The following NKAIN2 variants were observed in gnomAD, a reference collection of about 807,000 sequenced individuals.
NKAIN2 encodes sodium/potassium-transporting ATPase subunit beta-1-interacting protein 2.
NKAIN2 carries 14 observed loss-of-function variants against 32.6 expected under a neutral mutation model. The observed-to-expected ratio is 0.43, with a 90% confidence interval of 0.28 to 0.67. The LOEUF (loss-of-function observed/expected upper bound fraction) is 0.67, where lower values mean the gene tolerates loss of function less well. Ranked by LOEUF, NKAIN2 falls within the 30% of genes least tolerant of loss-of-function variation. The pLI is 0.17. For synonymous variants in NKAIN2, 80 were observed against 87.2 expected (o/e 0.92, Z 0.46); for missense variants, 198 against 258.3 (o/e 0.77, Z 1.60).
chr6:124,502,456 T>C (rs1327952956), intron 3 of NKAIN2, among the ~76,000 whole-genome samples: 1 of 152,218 alleles, frequency 6.6e-6, no homozygotes, highest in Non-Finnish European at 1.5e-5. Context: ...CTTCCACACA[T>C]ACTTTGTGTA....
chr6:124,707,965 A>C (rs1729087532), intron 4 of NKAIN2, among the ~76,000 whole-genome samples: 1 of 150,150 alleles, frequency 6.7e-6, no homozygotes, highest in Non-Finnish European at 1.5e-5. Flanking sequence ...TAGGGTTTTT[A>C]TGGTTTTAGG....
intron 5 of NKAIN2, among the ~76,000 whole-genome samples, chr6:124,796,146 C>G (rs1384970905): frequency 6.6e-6 from 1 of 152,064 alleles, no homozygotes; most frequent in African/African-American, 2.4e-5. Flanking sequence ...CACTCCTTCC[C>G]CCATGAATTA....
At chr6:124,712,535 A>G (rs1775544259) in intron 4 of NKAIN2, among the ~76,000 whole-genome samples, 2 of 115,706 alleles carry the variant, frequency 1.7e-5, no homozygotes, top group Admixed American at 1.6e-4. Context: ...CCGTTTTTTA[A>G]GCCCGTCGGA....
At chr6:124,635,055 GAGAGAA>G (rs1783720963) in intron 3 of NKAIN2, among the ~76,000 whole-genome samples, 1 of 146,524 alleles carries the variant, frequency 6.8e-6, no homozygotes, top group African/African-American at 2.7e-5. Flanking sequence ...AGGAAGGAAA[GAGAGAA>G]AGAAAGAGAA....
intron 3 of NKAIN2, among the ~76,000 whole-genome samples, chr6:124,494,114 C>T (rs979338929): frequency 3.9e-5 from 6 of 151,962 alleles, no homozygotes; most frequent in Non-Finnish European, 7.4e-5. Flanking sequence ...ATATCTGTTC[C>T]GCTACCTCTA....
chr6:124,508,518 T>A (rs1460776788), intron 3 of NKAIN2, among the ~76,000 whole-genome samples: 3 of 150,392 alleles, frequency 2.0e-5, no homozygotes, highest in Admixed American at 2.0e-4. Flanking sequence ...TTTTTTTTTG[T>A]ATTTTTAGTA....
intron 3 of NKAIN2, among the ~76,000 whole-genome samples, chr6:124,489,337 T>C (rs1272824095): frequency 6.6e-6 from 1 of 151,942 alleles, no homozygotes; most frequent in Non-Finnish European, 1.5e-5. Flanking sequence ...TAAGAAAATA[T>C]GAACCTCAAA....
At chr6:124,129,829 G>T (rs1347121645) in intron 1 of NKAIN2, among the ~76,000 whole-genome samples, 1 of 152,128 alleles carries the variant, frequency 6.6e-6, no homozygotes, top group East Asian at 1.9e-4. Context: ...ATGTTAGCCA[G>T]GCTGGTCTTG....
chr6:124,395,735 A>T (rs530427806), intron 3 of NKAIN2, among the ~76,000 whole-genome samples: 109 of 152,276 alleles, frequency 7.2e-4, no homozygotes, highest in East Asian at 4.8e-3. Flanking sequence ...CTTTGATTAC[A>T]TTCATAAATA....
chr6:124,358,474 G>C (rs1263139684), intron 3 of NKAIN2, among the ~76,000 whole-genome samples: 6 of 152,044 alleles, frequency 3.9e-5, no homozygotes, highest in Non-Finnish European at 7.4e-5. Context: ...CATTCTAACT[G>C]GTGTGAGATG....
chr6:123,979,638 A>G (rs6920498), intron 1 of NKAIN2, among the ~76,000 whole-genome samples: 2,179 of 152,336 alleles, frequency 0.014, 54 homozygotes, highest in African/African-American at 0.05. Flanking sequence ...TCATTAAAAA[A>G]TAAAATCCCA....
chr6:124,339,592 G>A (rs955572335), intron 2 of NKAIN2, among the ~76,000 whole-genome samples: 2 of 152,102 alleles, frequency 1.3e-5, no homozygotes, highest in African/African-American at 2.4e-5. Context: ...TTCTTTTTGT[G>A]TGTGAAATAG....
At chr6:123,929,381 G>T (rs1776151783) in intron 1 of NKAIN2, among the ~76,000 whole-genome samples, 1 of 152,070 alleles carries the variant, frequency 6.6e-6, no homozygotes, top group Non-Finnish European at 1.5e-5. Flanking sequence ...GGAGAAAGAA[G>T]ATTTGTCTGT....
At chr6:123,872,701 G>T (rs9375287) in intron 1 of NKAIN2, among the ~76,000 whole-genome samples, 3,650 of 152,288 alleles carry the variant, frequency 0.024, 88 homozygotes, top group East Asian at 0.11. Flanking sequence ...CTGAAAGCAA[G>T]ATTACTTTGG....
intron 3 of NKAIN2, among the ~76,000 whole-genome samples, chr6:124,499,681 G>T (rs1490576606): frequency 2.0e-5 from 3 of 152,106 alleles, no homozygotes; most frequent in Non-Finnish European, 4.4e-5. Flanking sequence ...GAGGATCCTT[G>T]GTCTCAGATT....
intron 4 of NKAIN2, among the ~76,000 whole-genome samples, chr6:124,790,905 G>C (rs543262060): frequency 6.6e-6 from 1 of 152,166 alleles, no homozygotes; most frequent in East Asian, 1.9e-4. Context: ...ACAAACCACA[G>C]AATCACCTTA....
chr6:123,986,266 C>A (rs984582184), intron 1 of NKAIN2, among the ~76,000 whole-genome samples: 2 of 152,048 alleles, frequency 1.3e-5, no homozygotes, highest in African/African-American at 4.8e-5. Context: ...GAAGATACTT[C>A]TTTTATATAG....
At chr6:124,744,754 G>C (rs1188903633) in intron 4 of NKAIN2, among the ~76,000 whole-genome samples, 1 of 151,830 alleles carries the variant, frequency 6.6e-6, no homozygotes, top group East Asian at 1.9e-4. Flanking sequence ...CAAGGGTCAT[G>C]ATTACGGAAT....
chr6:124,352,565 TAC>T (rs1312863509), intron 2 of NKAIN2, among the ~76,000 whole-genome samples: 3 of 152,244 alleles, frequency 2.0e-5, no homozygotes, highest in Non-Finnish European at 4.4e-5. Flanking sequence ...ATATGTGTAA[TAC>T]AGTGTCTTTC....
Sources: allele counts gnomAD v4.1 joint callset (sites outside exome capture counted in the v4.1 genomes callset), GRCh38; gene constraint gnomAD v4.1.1; transcripts MANE v1.5; gene names NCBI Gene and HGNC (gene_info 2026-07-23, HGNC 2026-07-21).